NFATC3: variants seen among roughly 807,000 people sequenced by gnomAD.
NFATC3 encodes nuclear factor of activated T-cells, cytoplasmic 3.
Under a neutral mutation model 98.6 loss-of-function variants are expected in NFATC3, and 46 were observed. The observed-to-expected ratio is 0.47, with a 90% CI of 0.37 to 0.60. NFATC3 has a LOEUF of 0.60. NFATC3 is among the 20% of genes least tolerant of loss of function. NFATC3 has a pLI of 0.00. For missense variants in NFATC3, 1,256 were observed against 1,295.5 expected (o/e 0.97, Z 0.47); for synonymous variants, 512 against 472.2 (o/e 1.08, Z -1.09).
intron 4 of NFATC3, among the ~76,000 whole-genome samples, chr16:68,160,656 C>CA (rs1471923324): frequency 6.6e-6 from 1 of 151,986 alleles, no homozygotes; most frequent in East Asian, 1.9e-4. Context: ...TTTTTCACAG[C>CA]AAAGGCAGAC....
At chr16:68,215,132 G>A (rs1031479052) in intron 9 of NFATC3, among the ~76,000 whole-genome samples, 1 of 152,094 alleles carries the variant, frequency 6.6e-6, no homozygotes, top group African/African-American at 2.4e-5. Context: ...AAATGAATCT[G>A]GATTTGGAAG....
intron 9 of NFATC3, among the ~76,000 whole-genome samples, chr16:68,204,587 T>A (rs891846125): frequency 6.6e-6 from 1 of 152,216 alleles, no homozygotes; most frequent in African/African-American, 2.4e-5. Flanking sequence ...TGAATCCAGA[T>A]TTGTCTGAAA....
At chr16:68,115,142 C>T (rs1389972036) in intron 1 of NFATC3, among the ~76,000 whole-genome samples, 1 of 151,972 alleles carries the variant, frequency 6.6e-6, no homozygotes, top group Non-Finnish European at 1.5e-5. Flanking sequence ...CAGCTCACTG[C>T]AACCTCCGCC....
intron 9 of NFATC3, 120 bp from the exon 10 acceptor site, chr16:68,226,230 T>C: frequency 8.1e-7 from 1 of 1,236,722 alleles, no homozygotes; most frequent in Non-Finnish European, 1.1e-6. Flanking sequence ...CTTCAGACAC[T>C]GCCTTTATCT....
chr16:68,101,177 G>A (rs189213665), intron 1 of NFATC3, among the ~76,000 whole-genome samples: 140 of 151,584 alleles, frequency 9.2e-4, no homozygotes, highest in Middle Eastern at 6.8e-3. Context: ...AGTCTTGCTC[G>A]TGTTGCCCAG....
intron 3 of NFATC3, among the ~76,000 whole-genome samples, chr16:68,133,345 C>G (rs1469987789): frequency 6.6e-6 from 1 of 152,136 alleles, no homozygotes; most frequent in Non-Finnish European, 1.5e-5. Context: ...GAGGTGATAT[C>G]TTAACCTGAT....
intron 3 of NFATC3, among the ~76,000 whole-genome samples, chr16:68,141,141 A>AT (rs975218452): frequency 2.6e-5 from 4 of 151,976 alleles, no homozygotes; most frequent in African/African-American, 7.2e-5. Flanking sequence ...ACATTATCTC[A>AT]TTTTTTTTAT....
chr16:68,159,488 A>G (rs143876702), intron 4 of NFATC3, among the ~76,000 whole-genome samples: 92 of 150,290 alleles, frequency 6.1e-4, no homozygotes, highest in African/African-American at 2.0e-3. Context: ...CAGTGGTGCA[A>G]TCTCGGCTCA....
chr16:68,176,534 G>A (rs945791885), intron 6 of NFATC3, among the ~76,000 whole-genome samples: 2 of 151,982 alleles, frequency 1.3e-5, no homozygotes, highest in East Asian at 1.9e-4. Flanking sequence ...TGGATATTTC[G>A]ATATTGTCCA....
intron 5 of NFATC3, among the ~76,000 whole-genome samples, chr16:68,167,219 G>C (rs2044668548): frequency 6.6e-6 from 1 of 152,166 alleles, no homozygotes; most frequent in African/African-American, 2.4e-5. Context: ...TCTCATGATA[G>C]TTTGACTAGG....
intron 1 of NFATC3, among the ~76,000 whole-genome samples, chr16:68,107,730 TATAATA>T (rs531308268): frequency 1.3e-4 from 19 of 150,766 alleles, no homozygotes; most frequent in East Asian, 5.8e-4. Context: ...ATCAAAAAAA[TATAATA>T]ATAATAATAA....
chr16:68,163,799 C>A (rs1467818447), intron 4 of NFATC3, among the ~76,000 whole-genome samples: 32 of 138,562 alleles, frequency 2.3e-4, no homozygotes, highest in South Asian at 4.8e-4. Flanking sequence ...ACATCTCAGA[C>A]GATGGGCGGC....
rs2040406122 is a variant in NFATC3, at chr16:68,191,086, A to G, written c.2417A>G (p.Gln806Arg). Residue 806 changes from glutamine to arginine, a missense_variant, in exon 9 of 10, where the codon CAA becomes CGA. Physicochemically the swap from Gln to Arg is conservative, Grantham distance 43. This residue lies in a region of NFATC3 where 636 missense variants were observed against 617.3 expected (regional missense o/e 1.03). Coordinates refer to ENST00000346183, the MANE Select transcript of NFATC3 (RefSeq NM_173165.3). ...GTGGGGTCTTCCTATCAGCCTATGC[A>G]AACTAATGTTGTGTACAATGGACCA... ...PPVGSSYQPMQTNVVYNGPTC... is the reference protein window; with the variant it reads ...PPVGSSYQPMRTNVVYNGPTC... 1 of 1,614,106 alleles carries G rather than the reference A, an allele frequency of 6.2e-7. No individual in the cohort carries two copies. The highest frequency in any genetic ancestry group is 8.5e-7 in the Non-Finnish European group (1 of 1,180,048).
chr16:68,115,704 C>T lies in NFATC3; in HGVS notation c.104-6283C>T, dbSNP rs529042967. Among the ~76,000 whole-genome samples the T allele has an allele frequency of 6.6e-5, 10 of 152,206 alleles. No homozygotes were observed. The South Asian group carries it at 1.9e-3, about 28-fold the overall frequency. The stretch of plus-strand genomic sequence containing the variant: ...CCTCCCAAAGTGCTGGAATTACAGG[C>T]GTGAGCCACCATACCTGGCCGATTG... On this transcript the variant is annotated intron_variant, in intron 1 of 9. Coordinates refer to ENST00000346183, the MANE Select transcript of NFATC3 (RefSeq NM_173165.3).
intron 9 of NFATC3, among the ~76,000 whole-genome samples, chr16:68,208,284 G>A (rs1209557102): frequency 2.0e-5 from 3 of 151,954 alleles, no homozygotes; most frequent in Non-Finnish European, 2.9e-5. Flanking sequence ...TGAGCCACCC[G>A]CCTTAGCCTC....
chr16:68,144,532 A>G (rs1173739012), intron 3 of NFATC3, among the ~76,000 whole-genome samples: 1 of 152,088 alleles, frequency 6.6e-6, no homozygotes, highest in Non-Finnish European at 1.5e-5. Context: ...TTTTGTAGAC[A>G]CAGTGGTTCA....
intron 2 of NFATC3, among the ~76,000 whole-genome samples, chr16:68,123,342 G>T (rs1317838096): frequency 6.6e-6 from 1 of 151,916 alleles, no homozygotes; most frequent in Non-Finnish European, 1.5e-5. Flanking sequence ...TATAGCTAAT[G>T]AATTGTTGAT....
At chr16:68,140,603 G>C (rs559278275) in intron 3 of NFATC3, among the ~76,000 whole-genome samples, 1 of 151,866 alleles carries the variant, frequency 6.6e-6, no homozygotes, top group Admixed American at 6.6e-5. Flanking sequence ...AATAAGCCTT[G>C]ACATAAACCT....
chr16:68,173,549 A>G (rs964467874), intron 5 of NFATC3, among the ~76,000 whole-genome samples: 6 of 152,356 alleles, frequency 3.9e-5, no homozygotes, highest in African/African-American at 1.4e-4. Context: ...CCTGGGCGAC[A>G]CAGCAAGACT....
Sources: allele counts gnomAD v4.1 joint callset (sites outside exome capture counted in the v4.1 genomes callset), GRCh38; gene constraint gnomAD v4.1.1; regional missense constraint gnomAD v4.1.1; transcripts MANE v1.5; gene names NCBI Gene and HGNC (gene_info 2026-07-23, HGNC 2026-07-21).